VTI1A: variants seen among roughly 807,000 people sequenced by gnomAD.
VTI1A encodes the protein vesicle transport through interaction with t-SNAREs homolog 1A.
In VTI1A, 22 loss-of-function variants were observed where a neutral mutation model predicts 34.9. The observed-to-expected ratio is 0.63, with a 90% CI of 0.45 to 0.90. The LOEUF (loss-of-function observed/expected upper bound fraction) is 0.90, where lower values mean the gene tolerates loss of function less well. VTI1A is among the 40% of genes least tolerant of loss of function. VTI1A has a pLI of 0.00. For missense variants in VTI1A, 268 were observed against 275.6 expected (o/e 0.97, Z 0.20); for synonymous variants, 87 against 97.3 (o/e 0.89, Z 0.62).
At chr10:112,586,279 T>C (rs987396319) in intron 5 of VTI1A, among the ~76,000 whole-genome samples, 2 of 152,158 alleles carry the variant, frequency 1.3e-5, no homozygotes, top group African/African-American at 4.8e-5. Flanking sequence ...ATTCTGGACC[T>C]TTTGTATTAT....
intron 5 of VTI1A, chr10:112,548,709 C>G: frequency 7.6e-7 from 1 of 1,307,692 alleles, no homozygotes; most frequent in Non-Finnish European, 1.1e-6. Flanking sequence ...TTGATGACAC[C>G]CACAGCAACT....
chr10:112,527,703 A>G (rs941704529), intron 4 of VTI1A, among the ~76,000 whole-genome samples: 2 of 136,842 alleles, frequency 1.5e-5, no homozygotes, highest in Admixed American at 1.4e-4. Flanking sequence ...GTCAAATAAT[A>G]GTCATAATAA....
chr10:112,681,588 A>G (rs1156310725), intron 7 of VTI1A, among the ~76,000 whole-genome samples: 1 of 152,214 alleles, frequency 6.6e-6, no homozygotes, highest in Non-Finnish European at 1.5e-5. Context: ...AATTTTAAGT[A>G]AGGCTTGAAA....
At chr10:112,793,091 C>T (rs989482008) in intron 7 of VTI1A, among the ~76,000 whole-genome samples, 6 of 152,164 alleles carry the variant, frequency 3.9e-5, no homozygotes, top group Non-Finnish European at 7.3e-5. Flanking sequence ...TGCCTTTTGC[C>T]GTGGCTGTGT....
intron 3 of VTI1A, among the ~76,000 whole-genome samples, chr10:112,474,240 T>C (rs1176705042): frequency 6.6e-6 from 1 of 152,010 alleles, no homozygotes; most frequent in Non-Finnish European, 1.5e-5. Flanking sequence ...TTTTTTTTTG[T>C]ATTTTTAGTA....
intron 5 of VTI1A, among the ~76,000 whole-genome samples, chr10:112,653,810 C>G (rs1005253273): frequency 1.4e-4 from 21 of 151,928 alleles, no homozygotes; most frequent in African/African-American, 4.8e-4. Flanking sequence ...TTTTTGTCCC[C>G]CAGGGTTTCA....
chr10:112,537,722 G>T (rs1291416243), intron 4 of VTI1A, among the ~76,000 whole-genome samples: 1 of 152,102 alleles, frequency 6.6e-6, no homozygotes, highest in Non-Finnish European at 1.5e-5. Flanking sequence ...GTGCTGTTTA[G>T]TATTCTGTCT....
At chr10:112,595,242 T>C (rs919271299) in intron 5 of VTI1A, among the ~76,000 whole-genome samples, 99 of 144,308 alleles carry the variant, frequency 6.9e-4, no homozygotes, top group African/African-American at 2.4e-3. Flanking sequence ...ATTCAGGACA[T>C]AGGCATGGGC....
intron 5 of VTI1A, among the ~76,000 whole-genome samples, chr10:112,638,181 A>G (rs1194420018): frequency 6.6e-6 from 1 of 152,228 alleles, no homozygotes; most frequent in Non-Finnish European, 1.5e-5. Flanking sequence ...GTTTTATTCA[A>G]GAAGCTCTCT....
intron 7 of VTI1A, among the ~76,000 whole-genome samples, chr10:112,742,387 C>T (rs779204177): frequency 2.0e-5 from 3 of 152,192 alleles, no homozygotes; most frequent in Non-Finnish European, 4.4e-5. Flanking sequence ...TCCTAGCCTT[C>T]CTAGCCAGGT....
intron 5 of VTI1A, among the ~76,000 whole-genome samples, chr10:112,644,874 G>A (rs1227351504): frequency 2.0e-5 from 3 of 152,164 alleles, no homozygotes; most frequent in African/African-American, 7.2e-5. Flanking sequence ...TGACATTATG[G>A]TAAGGAATAG....
At chr10:112,833,978 G>T in the VTI1A span, among the ~76,000 whole-genome samples, 1 of 152,210 alleles carries the variant, frequency 6.6e-6, no homozygotes, top group Non-Finnish European at 1.5e-5. Context: ...CAGAGGCTCA[G>T]GACCACAAGC....
chr10:112,768,663 C>T (rs1851714593), intron 7 of VTI1A, among the ~76,000 whole-genome samples: 1 of 152,158 alleles, frequency 6.6e-6, no homozygotes, highest in Non-Finnish European at 1.5e-5. Flanking sequence ...AAGTGCAGTT[C>T]ATGATCCCAG....
chr10:112,482,000 C>A (rs1224364320), intron 3 of VTI1A, among the ~76,000 whole-genome samples: 3 of 152,106 alleles, frequency 2.0e-5, no homozygotes, highest in South Asian at 4.2e-4. Context: ...TAACATAACC[C>A]GTAACTTATG....
intron 3 of VTI1A, among the ~76,000 whole-genome samples, chr10:112,480,491 A>G (rs1479319858): frequency 1.3e-5 from 2 of 152,158 alleles, no homozygotes; most frequent in Non-Finnish European, 2.9e-5. Context: ...ACGTGGAAAC[A>G]GGGAGGGTCA....
chr10:112,668,214 G>T lies in VTI1A; in HGVS notation c.428-4G>T, dbSNP rs113215156. 3.1e-6 allele frequency: 5 copies of T among 1,611,422 alleles called. No individual in the cohort carries two copies. Among genetic ancestry groups the T allele is most frequent in the East Asian group, 4.5e-5 (2 of 44,772 alleles). On this transcript the variant is annotated splice_polypyrimidine_tract_variant and splice_region_variant and intron_variant, in intron 5 of 7. Coordinates refer to ENST00000393077, the MANE Select transcript of VTI1A (RefSeq NM_145206.4). ...TTTCCTCACTCAAATTTTCTTTTCC[G>T]TAGAGCAAATTGGTCAGGAGATGTT...
intron 3 of VTI1A, among the ~76,000 whole-genome samples, chr10:112,472,005 G>A (rs1848107112): frequency 6.6e-6 from 1 of 152,182 alleles, no homozygotes; most frequent in African/African-American, 2.4e-5. Context: ...AGGTTATGAG[G>A]ACATGGTGTG....
intron 7 of VTI1A, among the ~76,000 whole-genome samples, chr10:112,806,263 G>A (rs1052364365): frequency 2.0e-5 from 3 of 152,080 alleles, no homozygotes; most frequent in Non-Finnish European, 4.4e-5. Flanking sequence ...CCCAGAGATA[G>A]CATCTAGTTT....
chr10:112,762,760 C>G (rs544680303), intron 7 of VTI1A, among the ~76,000 whole-genome samples: 1 of 152,272 alleles, frequency 6.6e-6, no homozygotes, highest in South Asian at 2.1e-4. Flanking sequence ...AACATTTTCA[C>G]TTGAAAATGT....
Sources: gnomAD v4.1 joint callset for allele counts (sites outside exome capture counted in the v4.1 genomes callset) on GRCh38, gnomAD v4.1.1 for gene constraint, MANE v1.5 for transcripts, NCBI Gene and HGNC (gene_info 2026-07-23, HGNC 2026-07-21) for gene names.